Variants in TTN observed in about 807,000 individuals in gnomAD.
TTN encodes the protein titin.
Under a neutral mutation model 3,223.0 loss-of-function variants are expected in TTN, and 1,525 were observed. The ratio of observed to expected loss-of-function variants is 0.47; its 90% CI spans 0.45 to 0.49. TTN has a LOEUF of 0.49. Among genes scored for constraint, TTN ranks in the 20% least tolerant of loss-of-function variants. TTN has a pLI of 0.00. For missense variants in TTN, 40,786 were observed against 43,424.0 expected (o/e 0.94, Z 5.40); for synonymous variants, 14,094 against 15,161.0 (o/e 0.93, Z 5.17).
chr2:178,740,482 T>C lies in TTN; in HGVS notation c.12751A>G (p.Thr4251Ala). 6.2e-7 allele frequency: 1 copy of C among 1,613,630 alleles called. No homozygotes were observed. Among genetic ancestry groups the C allele is most frequent in the East Asian group, 2.2e-5 (1 of 44,788 alleles). Residue 4251 changes from threonine (T) to alanine (A), a missense_variant, in exon 48 of 363, where the codon ACT (threonine) becomes GCT (alanine). Thr to Ala is a moderately conservative substitution (Grantham distance 58, BLOSUM62 0). Coordinates refer to ENST00000589042, the MANE Select transcript of TTN (RefSeq NM_001267550.2). Reference sequence around the variant, plus strand: ...CTTTGTGCCTCTTGCTTTTGAAGAGTCACTCTTTGCTCTCTGTTGGTGTCA... The same window carrying C: ...CTTTGTGCCTCTTGCTTTTGAAGAGCCACTCTTTGCTCTCTGTTGGTGTCA... ...VSDTNREQRV[T>A]LQKQEAQSAL...
rs770029258 is a variant in TTN, at chr2:178,759,167, T to C, written c.10120A>G (p.Lys3374Glu). The C allele has an allele frequency of 5.6e-6, 9 of 1,613,948 alleles. No individual in the cohort carries two copies. Among genetic ancestry groups the C allele is most frequent in the Admixed American group, 1.7e-5 (1 of 60,006 alleles). The change falls in exon 44 of 363, where the codon AAA becomes GAA. Residue 3374 changes from lysine (K) to glutamate (E), a missense_variant. By Grantham distance (56) the Lys-to-Glu change is moderately conservative (BLOSUM62 1). Transcript: ENST00000589042. Reference protein sequence around the residue: ...FQCRVSGTDLKVSWYSKDKKI... With the variant: ...FQCRVSGTDLEVSWYSKDKKI... ...TTGTCTTTGCTGTACCACGACACTT[T>C]TAGATCTGCGACACAAAAGAAAAGA...
In TTN at chr2:178,639,759, C is replaced by G; in HGVS notation, c.40816G>C (p.Glu13606Gln). 6.2e-7 allele frequency: 1 copy of G among 1,604,080 alleles called. No homozygotes were observed. Among genetic ancestry groups the G allele is most frequent in the Non-Finnish European group, 8.5e-7 (1 of 1,176,104 alleles). ...GCAGCGATGGGGGTTGGTTCAGGTT[C>G]CACAGGAGGTGGTTTGATTGTTTTC... The part of the protein sequence containing the change: ...EVKTIKPPPV[E>Q]PEPTPIAAPV... The change falls in exon 223 of 363, where the codon GAA (glutamate) becomes CAA (glutamine). Residue 13606 changes from glutamate to glutamine, a missense_variant. Physicochemically the swap from Glu to Gln is conservative, Grantham distance 29. Coordinates refer to ENST00000589042, the MANE Select transcript of TTN (RefSeq NM_001267550.2).
Position 178,534,096 on chromosome 2 carries a change from G to A in TTN, c.102519C>T (p.Gly34173=), listed in dbSNP as rs2857265. Residue 34173 remains glycine (G), a synonymous_variant, in exon 358 of 363, where the codon GGC becomes GGT. Transcript: ENST00000589042. The stretch of plus-strand genomic sequence containing the variant: ...TCTCACTGTTCTCCAGCTGTCGGAC[G>A]CCAAAGTACCAAGTCACTTGGGTAG... The part of the protein sequence containing the change: ...DQSTQVTWYF[G]VRQLENSEKY... The A allele has an allele frequency of 0.16, 253,349 of 1,613,738 alleles. 22,711 individuals carry two copies. The highest frequency in any genetic ancestry group is 0.43 in the East Asian group (19,485 of 44,846).
Position 178,568,819 on chromosome 2 carries a change from A to C in TTN, c.77313T>G (p.Val25771=), listed in dbSNP as rs1464649156. Residue 25771 remains valine, a synonymous_variant, in exon 326 of 363, where the codon GTT becomes GTG. Coordinates refer to ENST00000589042, the MANE Select transcript of TTN (RefSeq NM_001267550.2). ...TTCTCCCCTTTTCATTTACAGCAAC[A>C]ACTCTAAAAAGATATTCTTCCCCTT... ...LTQGEEYLFR[V]VAVNEKGRSD... is the part of the protein sequence containing the mutation. 6.2e-7 allele frequency: 1 copy of C among 1,613,254 alleles called. No homozygotes were observed. Among genetic ancestry groups the C allele is most frequent in the Admixed American group, 1.7e-5 (1 of 59,954 alleles).
In TTN at chr2:178,792,216, G is replaced by GA; in HGVS notation, c.1537-20dup. ...TTCTTATCTGCAAAGAATGATTTAA[G>GA]AAAAAACTTTATTTCCTGATGCCCA... On this transcript the variant is annotated intron_variant, in intron 9 of 362. Transcript: ENST00000589042. The GA allele has an allele frequency of 6.3e-7, 1 of 1,594,792 alleles. No individual in the cohort carries two copies.
rs746380940 is a variant in TTN, at chr2:178,538,975, G to A, written c.98960C>T (p.Ser32987Phe). 208 of 1,610,540 alleles carry A rather than the reference G, an allele frequency of 1.3e-4. No individual in the cohort carries two copies. The highest frequency in any genetic ancestry group is 1.7e-4 in the Non-Finnish European group (199 of 1,177,148). ...TGGATCTTTGCAAACAACTGGTTCA[G>A]AAGCAGGGCTGGTCTCACTCAGGCC... ...DVGLSETSPA[S>F]EPVVCKDPFD... The change falls in exon 353 of 363, where the codon TCT becomes TTT. Residue 32987 changes from serine (S) to phenylalanine (F), a missense_variant. Coordinates refer to ENST00000589042, the MANE Select transcript of TTN (RefSeq NM_001267550.2).
rs776343007 is a variant in TTN at position 178,800,381 on chromosome 2, C to T, written c.583+14G>A. On this transcript the variant is annotated intron_variant, in intron 4 of 362. Coordinates refer to ENST00000589042, the MANE Select transcript of TTN (RefSeq NM_001267550.2). ...CTCTCCCCTTCTCTCTGTTCCTCAA[C>T]CTCCAGCACGTACCTTGAACCAGTA... The T allele has an allele frequency of 4.3e-6, 7 of 1,613,970 alleles. No homozygotes were observed. In the East Asian group the frequency reaches 1.3e-4, roughly 31 times the overall value.
At chr2:178,725,235 T>C (rs750921816) in intron 71 of TTN, 133 bp downstream of exon 71, 42 of 973,484 alleles carry the variant, frequency 4.3e-5, no homozygotes, top group Non-Finnish European at 5.6e-5. Context: ...AACTATGTCT[T>C]TCCTCTAGAC....
In TTN at chr2:178,610,327, T is replaced by C. The variant is rs1045892065; in HGVS notation, c.51199A>G (p.Thr17067Ala). Residue 17067 changes from threonine (T) to alanine (A), a missense_variant, in exon 271 of 363, where the codon ACT (threonine) becomes GCT (alanine). Transcript: ENST00000589042. ...CCATCAAATTCTGGAGGTTCCCAAG[T>C]TAACTTACAAGAACTCTTGGTAATG... ...SDITKSSCKL[T>A]WEPPEFDGGT... 9 of 1,612,762 alleles carry C rather than the reference T, an allele frequency of 5.6e-6. No individual in the cohort carries two copies. Among genetic ancestry groups the C allele is most frequent in the Non-Finnish European group, 7.6e-6 (9 of 1,179,224 alleles).
At position 178,674,339 on chromosome 2, in the gene TTN, T is replaced by C; in HGVS notation, c.34683A>G (p.Glu11561=). ...EIPEEPPSIE[E]VEEVAPPRVP... ...CTCTAGGTGGTGCCACCTCTTCAAC[T>C]TCCTCTATGCTAGGTGGTTCTTCTG... Residue 11561 remains glutamate, a synonymous_variant, in exon 151 of 363, where the codon GAA becomes GAG. Coordinates refer to ENST00000589042, the MANE Select transcript of TTN (RefSeq NM_001267550.2). 1 of 1,598,658 alleles carries C rather than the reference T, an allele frequency of 6.3e-7. No individual in the cohort carries two copies. The highest frequency in any genetic ancestry group is 2.2e-5 in the East Asian group (1 of 44,502).
In TTN at chr2:178,677,267, GTTTCTT is replaced by G. The variant is rs1196859932; in HGVS notation, c.34306_34311del (p.Lys11436_Lys11437del). ...ACAGGGACTTTCTTCTCTGGTACAG[GTTTCTT>G]TGGCACTTCAGGCACTTAAAAACAT... On this transcript the variant is annotated inframe_deletion, in exon 147 of 363. Coordinates refer to ENST00000589042, the MANE Select transcript of TTN (RefSeq NM_001267550.2). The G allele has an allele frequency of 6.6e-6, 8 of 1,206,458 alleles. No homozygotes were observed. The African/African-American group carries it at 1.2e-4, about 17-fold the overall frequency. 74.7% of individuals were successfully genotyped at this position (1,206,458 alleles called of 1,614,324 possible).
At chr2:178,595,941 G>A in intron 294 of TTN, 132 bp from the exon 295 acceptor site, 1 of 590,118 alleles carries the variant, frequency 1.7e-6, no homozygotes, top group Non-Finnish European at 2.7e-6. Flanking sequence ...AATTGAGTTA[G>A]TTTTTCCTTC....
Position 178,740,828 on chromosome 2 carries a change from A to C in TTN, c.12405T>G (p.Asn4135Lys), listed in dbSNP as rs767823868. 6.2e-7 allele frequency: 1 copy of C among 1,613,792 alleles called. No individual in the cohort carries two copies. Among genetic ancestry groups the C allele is most frequent in the South Asian group, 1.1e-5 (1 of 91,078 alleles). Residue 4135 changes from asparagine (N) to lysine (K), a missense_variant, in exon 48 of 363, where the codon AAT becomes AAG. Asn to Lys is a moderately conservative substitution (Grantham distance 94). Transcript: ENST00000589042. ...TGAGAGGCTGAAAGTGAATACTGCC[A>C]TTGATGCAAAGAAATTCCCTGGTGC... ...PESTREFLCI[N>K]GSIHFQPLKE...
chr2:178,576,096 G>T lies in TTN; in HGVS notation c.70036C>A (p.Leu23346Ile). Reference sequence around the variant, plus strand: ...AGTGTTCTTCGAAGCTCGGCATCTAGTTCAAAATCAGGAGCCATCTCCCGT... The same window carrying T: ...AGTGTTCTTCGAAGCTCGGCATCTATTTCAAAATCAGGAGCCATCTCCCGT... Reference protein sequence around the residue: ...VEREMAPDFELDAELRRTLVV... With the variant: ...VEREMAPDFEIDAELRRTLVV... The change falls in exon 326 of 363, where the codon CTA becomes ATA. Residue 23346 changes from leucine (L) to isoleucine (I), a missense_variant. Physicochemically the swap from Leu to Ile is conservative, Grantham distance 5. Coordinates refer to ENST00000589042, the MANE Select transcript of TTN (RefSeq NM_001267550.2). This position sits in a 1 kb window ranked among gnomAD's most constrained non-coding sequence, Gnocchi z 4.3. 1 of 1,613,460 alleles carries T rather than the reference G, an allele frequency of 6.2e-7. No individual in the cohort carries two copies. The highest frequency in any genetic ancestry group is 8.5e-7 in the Non-Finnish European group (1 of 1,179,592).
chr2:178,637,152 T>G (rs1453889129), intron 224 of TTN, among the ~76,000 whole-genome samples: 27 of 75,130 alleles, frequency 3.6e-4, no homozygotes, highest in Non-Finnish European at 7.4e-4. Flanking sequence ...GTTGGATATA[T>G]ATATATATAT....
At position 178,542,475 on chromosome 2, in the gene TTN, G is replaced by A. The variant is rs879166784; in HGVS notation, c.97281C>T (p.Asp32427=). The change falls in exon 349 of 363, where the codon GAC becomes GAT. Residue 32427 remains aspartate (D), a synonymous_variant. Coordinates refer to ENST00000589042, the MANE Select transcript of TTN (RefSeq NM_001267550.2). ...CATAACCACTCAGTGGAGCACCACCGTCCAATTCAGGTGGTTCCCAGGAAA... is the reference window on the plus strand; with the variant it reads ...CATAACCACTCAGTGGAGCACCACCATCCAATTCAGGTGGTTCCCAGGAAA... ...ITISWEPPEL[D]GGAPLSGYVV... 9.9e-6 allele frequency: 16 copies of A among 1,613,450 alleles called. No individual in the cohort carries two copies. The highest frequency in any genetic ancestry group is 2.2e-5 in the South Asian group (2 of 91,066).
At position 178,650,841 on chromosome 2, in the gene TTN, A is replaced by G; in HGVS notation, c.39626-7T>C. Reference sequence around the variant, plus strand: ...TTCTTTGGCACTTCTGGCACTTTAAAGATATTAATTCATTTTTCTTATGAG... The same window carrying G: ...TTCTTTGGCACTTCTGGCACTTTAAGGATATTAATTCATTTTTCTTATGAG... On this transcript the variant is annotated splice_region_variant and splice_polypyrimidine_tract_variant and intron_variant, in intron 208 of 362. Transcript: ENST00000589042. 2 of 1,595,926 alleles carry G rather than the reference A, an allele frequency of 1.3e-6. No individual in the cohort carries two copies. Among genetic ancestry groups the G allele is most frequent in the South Asian group, 1.1e-5 (1 of 88,008 alleles).
chr2:178,684,269 TG>T, intron 132 of TTN, 60 bp downstream of exon 132: 1 of 1,544,246 alleles, frequency 6.5e-7, no homozygotes, highest in South Asian at 1.2e-5. Flanking sequence ...CCATAACCAG[TG>T]TATTTGGTAA....
At position 178,613,695 on chromosome 2, in the gene TTN, A is replaced by C. The variant is rs2056766915; in HGVS notation, c.49532+56T>G. On this transcript the variant is annotated intron_variant, in intron 263 of 362. Transcript: ENST00000589042. ...TCTGTAATCCCAAGGAATACTAAAGAGTAAACATTTGAATATACTGCTGTC... is the reference window on the plus strand; with the variant it reads ...TCTGTAATCCCAAGGAATACTAAAGCGTAAACATTTGAATATACTGCTGTC... 1.9e-6 allele frequency: 3 copies of C among 1,546,798 alleles called. No homozygotes were observed. The South Asian group carries it at 3.7e-5, about 19-fold the overall frequency.
Sources: allele counts gnomAD v4.1 joint callset (sites outside exome capture counted in the v4.1 genomes callset), GRCh38; gene constraint gnomAD v4.1.1; non-coding constraint Gnocchi (gnomAD v3.1); transcripts MANE v1.5; gene names NCBI Gene and HGNC (gene_info 2026-07-23, HGNC 2026-07-21).